STON2: variants seen among roughly 807,000 people sequenced by gnomAD.
STON2 encodes the protein stonin 2, also known as stonin-2.
In STON2, 29 loss-of-function variants were observed where a neutral mutation model predicts 65.7. The ratio of observed to expected loss-of-function variants is 0.44; its 90% confidence interval spans 0.33 to 0.60. STON2 has a LOEUF of 0.60. Ranked by LOEUF, STON2 falls within the 20% of genes least tolerant of loss-of-function variation. STON2 has a pLI of 0.03. For synonymous variants in STON2, 404 were observed against 414.2 expected, an observed-to-expected ratio of 0.98 and a Z score of 0.30; for missense variants, 1,054 against 1,118.1, an observed-to-expected ratio of 0.94 and a Z score of 0.82.
At chr14:81,357,560 A>G (rs907381836) in intron 4 of STON2, among the ~76,000 whole-genome samples, 13 of 151,928 alleles carry the variant, frequency 8.6e-5, no homozygotes, top group African/African-American at 3.1e-4. Flanking sequence ...GTATATACCC[A>G]AAGGACTATA....
At chr14:81,313,511 C>T (rs1342401179) in intron 5 of STON2, among the ~76,000 whole-genome samples, 7 of 151,300 alleles carry the variant, frequency 4.6e-5, no homozygotes, top group African/African-American at 1.5e-4. Flanking sequence ...AAAAGCCAGG[C>T]CAGGCAGGCG....
At chr14:81,365,197 T>TCC (rs1214817253) in intron 4 of STON2, among the ~76,000 whole-genome samples, 1 of 152,164 alleles carries the variant, frequency 6.6e-6, no homozygotes, top group Non-Finnish European at 1.5e-5. Flanking sequence ...TGGACTCTCT[T>TCC]CCCTGTATGT....
upstream of STON2, among the ~76,000 whole-genome samples, chr14:81,404,638 G>A (rs560949726): frequency 6.6e-6 from 1 of 151,900 alleles, no homozygotes; most frequent in South Asian, 2.1e-4. Flanking sequence ...TGAGTAGCTG[G>A]GTCTATAAGT....
intron 5 of STON2, among the ~76,000 whole-genome samples, chr14:81,286,370 A>G (rs893094652): frequency 6.6e-6 from 1 of 152,220 alleles, no homozygotes; most frequent in African/African-American, 2.4e-5. Context: ...GTTGTTTTAC[A>G]TTAAGAAATC....
At chr14:81,328,557 G>A (rs113933696) in intron 4 of STON2, among the ~76,000 whole-genome samples, 6,339 of 152,224 alleles carry the variant, frequency 0.042, 434 homozygotes, top group African/African-American at 0.14. Context: ...CTCACTCAGT[G>A]TACTGAGTTA....
At position 81,262,590 on chromosome 14, in the gene STON2, G is replaced by C. The variant is rs952270900; in HGVS notation, c.*5824C>G. 3.0e-6 allele frequency: 3 copies of C among 985,092 alleles called. No homozygotes were observed. In the African/African-American group the frequency reaches 5.2e-5, roughly 17 times the overall value. The allele number at this position is 985,092 out of a possible 1,614,324, so 61.0% of individuals were successfully genotyped here. A position where few individuals can be genotyped will look rare whatever the true frequency, so the allele number is the denominator to read the frequency against. ...AATTCTTTTTTTAGTCTATTCTCTT[G>C]TAGCTTTTGTTACATCCAATGATCA... On this transcript the variant is annotated 3_prime_UTR_variant, in exon 8 of 8. Transcript: ENST00000614646.
At chr14:81,339,496 C>T (rs752147294) in intron 4 of STON2, among the ~76,000 whole-genome samples, 2 of 152,168 alleles carry the variant, frequency 1.3e-5, no homozygotes, top group Non-Finnish European at 2.9e-5. Flanking sequence ...CATCTTGTTT[C>T]TTTCACATTC....
chr14:81,344,622 A>G (rs1440408704), intron 4 of STON2, among the ~76,000 whole-genome samples: 1 of 152,212 alleles, frequency 6.6e-6, no homozygotes, highest in Non-Finnish European at 1.5e-5. Context: ...CACATGTCTA[A>G]TTACTTCCTT....
Position 81,398,440 on chromosome 14 carries a change from G to T in STON2, c.-58C>A. 1 of 1,377,950 alleles carries T rather than the reference G, an allele frequency of 7.3e-7. No homozygotes were observed. The highest frequency in any genetic ancestry group is 1.0e-6 in the Non-Finnish European group (1 of 966,408). The allele number at this position is 1,377,950 out of a possible 1,614,324, so 85.4% of individuals were successfully genotyped here. ...GACCTCAGGTGAACCCCAGAATACT[G>T]TCTGGGGTGGGCTGGAGTAGGGGTA... On this transcript the variant is annotated 5_prime_UTR_variant, in exon 2 of 8. Coordinates refer to ENST00000614646, the MANE Select transcript of STON2 (RefSeq NM_001394390.1).
intron 5 of STON2, among the ~76,000 whole-genome samples, chr14:81,291,430 T>C (rs893748614): frequency 1.3e-5 from 2 of 152,176 alleles, no homozygotes; most frequent in African/African-American, 4.8e-5. Context: ...CTGAGAAATG[T>C]CTTTGTAATT....
rs1052297558 is a variant in STON2 at position 81,262,069 on chromosome 14, C to A, written c.*6345G>T. 5 of 1,295,694 alleles carry A rather than the reference C, an allele frequency of 3.9e-6. No individual in the cohort carries two copies. Among genetic ancestry groups the A allele is most frequent in the Non-Finnish European group, 4.9e-6 (5 of 1,024,534 alleles). 80.3% of individuals were successfully genotyped at this position (1,295,694 alleles called of 1,614,324 possible). A position where few individuals can be genotyped will look rare whatever the true frequency, so the allele number is the denominator to read the frequency against. ...TAGGAAGAGTCACTGAAAGGTGGCA[C>A]CAATGGATATTTTGTAAAATAACCC... On this transcript the variant is annotated 3_prime_UTR_variant, in exon 8 of 8. Transcript: ENST00000614646.
intron 2 of STON2, among the ~76,000 whole-genome samples, chr14:81,420,648 C>G (rs1045562362): frequency 5.9e-5 from 9 of 152,114 alleles, no homozygotes; most frequent in Non-Finnish European, 1.3e-4. Context: ...TGAAGAATAA[C>G]AGGGAAGGTA....
At chr14:81,334,048 A>T (rs112203184) in intron 4 of STON2, among the ~76,000 whole-genome samples, 1,739 of 152,326 alleles carry the variant, frequency 0.011, 36 homozygotes, top group African/African-American at 0.039. Flanking sequence ...TGCAGCTTGC[A>T]CTACTCTTAA....
At chr14:81,303,636 T>A (rs1896056899) in intron 5 of STON2, among the ~76,000 whole-genome samples, 1 of 152,212 alleles carries the variant, frequency 6.6e-6, no homozygotes, top group Non-Finnish European at 1.5e-5. Context: ...TTTGTCACCC[T>A]CTTCCTCAGT....
At chr14:81,432,965 C>A (rs143768527) in intron 1 of STON2, among the ~76,000 whole-genome samples, 1 of 152,188 alleles carries the variant, frequency 6.6e-6, no homozygotes, top group African/African-American at 2.4e-5. Flanking sequence ...GTGGGACCAG[C>A]GGCATCAGTA....
At chr14:81,395,594 A>G in intron 3 of STON2, 2 of 307,922 alleles carry the variant, frequency 6.5e-6, no homozygotes, top group South Asian at 9.2e-5. Flanking sequence ...CTGAGTAAAT[A>G]TAATTCCAAT....
intron 4 of STON2, among the ~76,000 whole-genome samples, chr14:81,349,865 G>A (rs1897958605): frequency 6.6e-6 from 1 of 152,022 alleles, no homozygotes; most frequent in African/African-American, 2.4e-5. Flanking sequence ...AGGAAATGTG[G>A]CATACATACA....
At chr14:81,273,027 C>A (rs1894662433) in intron 6 of STON2, among the ~76,000 whole-genome samples, 1 of 152,196 alleles carries the variant, frequency 6.6e-6, no homozygotes. Flanking sequence ...TAGATCACAA[C>A]AAAGTATACA....
Position 81,261,778 on chromosome 14 carries a change from A to T in STON2, c.*6636T>A. 1 of 1,516,000 alleles carries T rather than the reference A, an allele frequency of 6.6e-7. No individual in the cohort carries two copies. Among genetic ancestry groups the T allele is most frequent in the Non-Finnish European group, 8.8e-7 (1 of 1,140,796 alleles). 93.9% of individuals were successfully genotyped at this position (1,516,000 alleles called of 1,614,324 possible). On this transcript the variant is annotated 3_prime_UTR_variant, in exon 8 of 8. Coordinates refer to ENST00000614646, the MANE Select transcript of STON2 (RefSeq NM_001394390.1). The stretch of plus-strand genomic sequence containing the variant: ...TTTGGAGACCTGTCTGTGCCTCTTC[A>T]TGCTCACACCATTGTTCTGATAGAT...
Sources: allele counts gnomAD v4.1 joint callset (sites outside exome capture counted in the v4.1 genomes callset), GRCh38; gene constraint gnomAD v4.1.1; transcripts MANE v1.5; gene names NCBI Gene and HGNC (gene_info 2026-07-23, HGNC 2026-07-21).